OXNAD1: variants seen among roughly 807,000 people sequenced by gnomAD.
The protein encoded by OXNAD1 is oxidoreductase NAD binding domain containing 1, also known as oxidoreductase NAD-binding domain-containing protein 1.
Under a neutral mutation model 32.9 loss-of-function variants are expected in OXNAD1, and 34 were observed. The observed-to-expected ratio is 1.03, with a 90% confidence interval of 0.79 to 1.38. The LOEUF is 1.38. Among genes scored for constraint, OXNAD1 ranks in the 40% most tolerant of loss-of-function variants. The pLI is 0.00. For missense variants in OXNAD1, 407 were observed against 379.4 expected (o/e 1.07, Z -0.60); for synonymous variants, 134 against 135.2 (o/e 0.99, Z 0.06).
Position 16,316,843 on chromosome 3 carries a change from C to T in OXNAD1, c.*30+13251C>T, listed in dbSNP as rs550157713. The T allele has an allele frequency of 1.2e-5, 20 of 1,613,982 alleles. No individual in the cohort carries two copies. Among genetic ancestry groups the T allele is most frequent in the African/African-American group, 2.7e-5 (2 of 75,054 alleles). ...TGCCCAAGACTCAGTTTTCTTCAAC[C>T]GTACCAAGCTCTCTGACTTCCTCAG... is the stretch of plus-strand genomic sequence containing the variant. On this transcript the variant is annotated intron_variant, in intron 9 of 9. Transcript: ENST00000435829. The surrounding 1 kb of genome is among the most constrained non-coding windows in gnomAD (Gnocchi z 4.5).
In OXNAD1 at chr3:16,303,808, G is replaced by T; in HGVS notation, c.*246G>T. 3.0e-6 allele frequency: 1 copy of T among 330,850 alleles called. No individual in the cohort carries two copies. Among genetic ancestry groups the T allele is most frequent in the South Asian group, 5.8e-5 (1 of 17,234 alleles). 20.5% of individuals were successfully genotyped at this position (330,850 alleles called of 1,614,324 possible). On this transcript the variant is annotated 3_prime_UTR_variant, in exon 9 of 9. Coordinates refer to ENST00000285083, the MANE Select transcript of OXNAD1 (RefSeq NM_138381.5). The surrounding 1 kb of genome is among the most constrained non-coding windows in gnomAD (Gnocchi z 4.8). ...TTCTGTTATTAACAACGATTTAATT[G>T]TCTCATGATGTACCATGATTGGTCA...
rs147676489 is a variant in OXNAD1 at position 16,291,585 on chromosome 3, A to T, written c.291-3271A>T. Among the ~76,000 whole-genome samples, 864 of 152,342 alleles carry T rather than the reference A, an allele frequency of 5.7e-3. 7 individuals are homozygous for T. Among genetic ancestry groups the T allele is most frequent in the African/African-American group, 0.02 (816 of 41,586 alleles). ...AGGGTTCATCTATGTTGTAGCCTGT[A>T]TCAGTACTTCATTCCATTGTATGGA... On this transcript the variant is annotated intron_variant, in intron 5 of 8. Transcript: ENST00000285083.
At chr3:16,285,041 GA>G (rs2065979124) in intron 4 of OXNAD1, among the ~76,000 whole-genome samples, 1 of 152,230 alleles carries the variant, frequency 6.6e-6, no homozygotes, top group Admixed American at 6.5e-5. Flanking sequence ...AGTGCAGGTA[GA>G]GGGTCAGTAA....
At chr3:16,270,150 A>G (rs1392189107) in intron 2 of OXNAD1, among the ~76,000 whole-genome samples, 1 of 152,250 alleles carries the variant, frequency 6.6e-6, no homozygotes, top group African/African-American at 2.4e-5. Flanking sequence ...ATACCCATGC[A>G]ATCCGCACCC....
At position 16,314,431 on chromosome 3, in the gene OXNAD1, C is replaced by T. The variant is rs937109215; in HGVS notation, c.*30+10839C>T. On this transcript the variant is annotated intron_variant, in intron 9 of 9. Transcript: ENST00000435829. This position sits in a 1 kb window ranked among gnomAD's most constrained non-coding sequence, Gnocchi z 4.4. ...CCAGTGGTATTCAACTTTGGCTGCA[C>T]CTAGAGTCCTCTGGGAGCTTTTAAA... 2 of 152,100 alleles carry T rather than the reference C, an allele frequency of 1.3e-5. No individual in the cohort carries two copies. Among genetic ancestry groups the T allele is most frequent in the Non-Finnish European group, 2.9e-5 (2 of 68,014 alleles). 9.4% of individuals were successfully genotyped at this position (152,100 alleles called of 1,614,324 possible).
chr3:16,305,866 G>C lies in OXNAD1; in HGVS notation c.*2304G>C, dbSNP rs1443200872. The C allele has an allele frequency of 6.6e-6, 1 of 152,370 alleles. No individual in the cohort carries two copies. The highest frequency in any genetic ancestry group is 2.1e-4 in the South Asian group (1 of 4,828). 9.4% of individuals were successfully genotyped at this position (152,370 alleles called of 1,614,324 possible). ...GATCATACATGTAAAGTGCTTGGCA[G>C]AGCACTGCATGAGTGTGTTGTCGTT... On this transcript the variant is annotated 3_prime_UTR_variant, in exon 9 of 9. Transcript: ENST00000285083. The surrounding 1 kb of genome is among the most constrained non-coding windows in gnomAD (Gnocchi z 4.5).
rs560521717 is a variant in OXNAD1 at position 16,297,345 on chromosome 3, C to T, written c.432+2348C>T. On this transcript the variant is annotated intron_variant, in intron 6 of 8. Transcript: ENST00000285083. The surrounding 1 kb of genome is among the most constrained non-coding windows in gnomAD (Gnocchi z 4.3). ...AATTAAAAATATTGACAATACCAAG[C>T]GTTGGCAAGGATGTGGAGCAACTGG... is the stretch of plus-strand genomic sequence containing the variant. Among the ~76,000 whole-genome samples, 72 of 152,158 alleles carry T rather than the reference C, an allele frequency of 4.7e-4. No individual in the cohort carries two copies. The highest frequency in any genetic ancestry group is 9.6e-4 in the Non-Finnish European group (65 of 68,008).
At position 16,317,916 on chromosome 3, in the gene OXNAD1, C is replaced by G. The variant is rs1275673258; in HGVS notation, c.*30+14324C>G. Among the ~76,000 whole-genome samples, 7 of 152,192 alleles carry G rather than the reference C, an allele frequency of 4.6e-5. No homozygotes were observed. The highest frequency in any genetic ancestry group is 3.3e-4 in the Admixed American group (5 of 15,284). On this transcript the variant is annotated intron_variant, in intron 9 of 9. Coordinates refer to the OXNAD1 transcript ENST00000435829. The surrounding 1 kb of genome is among the most constrained non-coding windows in gnomAD (Gnocchi z 4.3). ...AATGCCATCCCAGCTCCAAGCCAAC[C>G]TGGGGGATTGTGACTGCATCACAGC...
At chr3:16,306,124 T>G (rs552938520), downstream of OXNAD1, 1 of 152,236 alleles carries the variant, frequency 6.6e-6, no homozygotes, top group Non-Finnish European at 1.5e-5. Context: ...ATGTTTCTTC[T>G]TTTGACATAA....
In OXNAD1 at chr3:16,320,086, AGTGT is replaced by A. The variant is rs1413870627; in HGVS notation, c.*30+16499_*30+16502del. On this transcript the variant is annotated intron_variant, in intron 9 of 9. Coordinates refer to the OXNAD1 transcript ENST00000435829. This position sits in a 1 kb window ranked among gnomAD's most constrained non-coding sequence, Gnocchi z 4.5. Reference sequence around the variant, plus strand: ...AAAAAGAAATCCTTCACTTTACAGCAGTGTGTGTCCAGAGTTCCATGTCAGCAGG... The same window carrying A: ...AAAAAGAAATCCTTCACTTTACAGCAGTGTCCAGAGTTCCATGTCAGCAGG... Among the ~76,000 whole-genome samples the A allele has an allele frequency of 1.3e-5, 2 of 152,234 alleles. No homozygotes were observed. The highest frequency in any genetic ancestry group is 4.8e-5 in the African/African-American group (2 of 41,462).
intron 9 of OXNAD1, among the ~76,000 whole-genome samples, chr3:16,343,526 C>G (rs1221880389): frequency 6.6e-6 from 1 of 152,232 alleles, no homozygotes; most frequent in African/African-American, 2.4e-5. Context: ...TTCACCTGTA[C>G]CCTAGAGTCT....
intron 4 of OXNAD1, among the ~76,000 whole-genome samples, chr3:16,274,079 C>G (rs1428234110): frequency 1.3e-5 from 2 of 151,080 alleles, no homozygotes; most frequent in Admixed American, 1.3e-4. Flanking sequence ...GAAATAGATG[C>G]TAATGGCACG....
At chr3:16,270,163 A>G (rs1426537102) in intron 2 of OXNAD1, among the ~76,000 whole-genome samples, 1 of 152,362 alleles carries the variant, frequency 6.6e-6, no homozygotes, top group East Asian at 1.9e-4. Flanking sequence ...CCGCACCCAG[A>G]TTAAGAAGCA....
rs376709680 is a variant in OXNAD1, at chr3:16,266,929, G to A, written c.-159+1424G>A. 3.3e-5 allele frequency among the ~76,000 whole-genome samples: 5 copies of A among 152,310 alleles called. No homozygotes were observed. The South Asian group carries it at 8.3e-4, about 25-fold the overall frequency. ...AGGAGTCACACCTGAGCCCAGTTCCGCTGATTTCCGGTCAAATACTCTGTG... is the reference window on the plus strand; with the variant it reads ...AGGAGTCACACCTGAGCCCAGTTCCACTGATTTCCGGTCAAATACTCTGTG... On this transcript the variant is annotated intron_variant, in intron 1 of 8. Transcript: ENST00000285083.
chr3:16,342,204 C>T (rs2071361363), downstream of OXNAD1, among the ~76,000 whole-genome samples: 1 of 152,070 alleles, frequency 6.6e-6, no homozygotes, highest in Admixed American at 6.6e-5. This position sits in a 1 kb window ranked among gnomAD's most constrained non-coding sequence, Gnocchi z 4.0. Context: ...CTCCCCTTTC[C>T]CCCCACCCAC....
At chr3:16,339,430 C>G (rs1559835392), downstream of OXNAD1, 1 of 152,204 alleles carries the variant, frequency 6.6e-6, no homozygotes, top group Non-Finnish European at 1.5e-5. Context: ...CAGGACACAT[C>G]AGACATCTGG....
intron 4 of OXNAD1, among the ~76,000 whole-genome samples, chr3:16,281,561 G>T (rs1411207327): frequency 3.9e-5 from 6 of 152,268 alleles, no homozygotes; most frequent in Non-Finnish European, 7.4e-5. Context: ...AGCATTTCAG[G>T]TAAGGGATAC....
chr3:16,291,056 A>G (rs2066398896), intron 5 of OXNAD1, among the ~76,000 whole-genome samples: 1 of 152,164 alleles, frequency 6.6e-6, no homozygotes. Context: ...ATCCTCACCA[A>G]AAAAGGGTTT....
rs1393542197 is a variant in OXNAD1, at chr3:16,345,156, C to T, written c.*31-4020C>T. 1.3e-5 allele frequency: 2 copies of T among 152,390 alleles called. No homozygotes were observed. Among genetic ancestry groups the T allele is most frequent in the East Asian group, 3.9e-4 (2 of 5,182 alleles). 9.4% of individuals were successfully genotyped at this position (152,390 alleles called of 1,614,324 possible). A position where few individuals can be genotyped will look rare whatever the true frequency, so the allele number is the denominator to read the frequency against. ...CCAAAACCTCTAATAAGGCACACAGCTCTGCTGACATCCCATTTCAGTGTT... is the reference window on the plus strand; with the variant it reads ...CCAAAACCTCTAATAAGGCACACAGTTCTGCTGACATCCCATTTCAGTGTT... On this transcript the variant is annotated intron_variant, in intron 9 of 9. Transcript: ENST00000606098. The surrounding 1 kb of genome is among the most constrained non-coding windows in gnomAD (Gnocchi z 5.2).
Sources: gnomAD v4.1 joint callset for allele counts (sites outside exome capture counted in the v4.1 genomes callset) on GRCh38, gnomAD v4.1.1 for gene constraint, Gnocchi (gnomAD v3.1) non-coding constraint, MANE v1.5 for transcripts, NCBI Gene and HGNC (gene_info 2026-07-23, HGNC 2026-07-21) for gene names.